SCAMP1: variants seen among roughly 807,000 people sequenced by gnomAD.
The protein encoded by SCAMP1 is secretory carrier membrane protein 1.
In SCAMP1, 15 loss-of-function variants were observed where a neutral mutation model predicts 41.8. The ratio of observed to expected loss-of-function variants is 0.36; its 90% confidence interval spans 0.24 to 0.55. The LOEUF is 0.55. Among genes scored for constraint, SCAMP1 ranks in the 20% least tolerant of loss-of-function variants. SCAMP1 has a pLI of 0.86. For missense variants in SCAMP1, 341 were observed against 412.6 expected (o/e 0.83, Z 1.50); for synonymous variants, 135 against 136.8 (o/e 0.99, Z 0.09).
At chr5:78,425,348 A>G (rs1301526158) in intron 6 of SCAMP1, among the ~76,000 whole-genome samples, 4 of 152,214 alleles carry the variant, frequency 2.6e-5, no homozygotes, top group South Asian at 2.1e-4. Flanking sequence ...AACATTATCA[A>G]TACCGCTGAA....
At chr5:78,372,436 T>C (rs1253439789) in intron 1 of SCAMP1, among the ~76,000 whole-genome samples, 1 of 152,138 alleles carries the variant, frequency 6.6e-6, no homozygotes, top group Non-Finnish European at 1.5e-5. Context: ...TTCTCTACAG[T>C]AATGTACCCA....
chr5:78,397,180 CT>C (rs1580663200), intron 2 of SCAMP1, among the ~76,000 whole-genome samples: 1 of 152,152 alleles, frequency 6.6e-6, no homozygotes, highest in Non-Finnish European at 1.5e-5. Context: ...GAAATAAACA[CT>C]TAAATTTATG....
At chr5:78,381,539 C>A (rs1293446325) in intron 1 of SCAMP1, among the ~76,000 whole-genome samples, 1 of 152,158 alleles carries the variant, frequency 6.6e-6, no homozygotes, top group Non-Finnish European at 1.5e-5. Context: ...AAAATGACAT[C>A]TTTCTATTTT....
At chr5:78,471,312 A>G (rs1044696649) in intron 8 of SCAMP1, among the ~76,000 whole-genome samples, 3 of 152,170 alleles carry the variant, frequency 2.0e-5, no homozygotes, top group African/African-American at 7.2e-5. Flanking sequence ...CGACATGGTG[A>G]AACTAGACTG....
In SCAMP1 at chr5:78,450,154, T is replaced by C. The variant is rs1450331089; in HGVS notation, c.734+120T>C. ...GAAAAATTAAATAAAAAGCAAAAATTGTTTTAAAAATACAATTTTAAAATG... is the reference window on the plus strand; with the variant it reads ...GAAAAATTAAATAAAAAGCAAAAATCGTTTTAAAAATACAATTTTAAAATG... On this transcript the variant is annotated intron_variant, in intron 7 of 8. Coordinates refer to ENST00000621999, the MANE Select transcript of SCAMP1 (RefSeq NM_004866.6). The C allele has an allele frequency of 1.5e-5, 9 of 607,842 alleles. No homozygotes were observed. In the East Asian group the frequency reaches 2.9e-4, roughly 19 times the overall value. The allele number at this position is 607,842 out of a possible 1,614,324, so 37.7% of individuals were successfully genotyped here. A position where few individuals can be genotyped will look rare whatever the true frequency, so the allele number is the denominator to read the frequency against.
intron 8 of SCAMP1, among the ~76,000 whole-genome samples, chr5:78,464,667 A>G (rs994566049): frequency 7.3e-6 from 1 of 137,794 alleles, no homozygotes; most frequent in African/African-American, 2.7e-5. Flanking sequence ...AAGAAGGGCT[A>G]CATTCAGAAA....
chr5:78,456,369 G>A (rs1418988623), intron 7 of SCAMP1, among the ~76,000 whole-genome samples: 2 of 151,926 alleles, frequency 1.3e-5, no homozygotes, highest in African/African-American at 2.4e-5. Flanking sequence ...AACTCTTTTA[G>A]GGCAGGCCTG....
intron 2 of SCAMP1, among the ~76,000 whole-genome samples, chr5:78,413,216 G>A (rs891332541): frequency 1.3e-5 from 2 of 151,878 alleles, no homozygotes; most frequent in Non-Finnish European, 2.9e-5. Flanking sequence ...TTTCTTCACT[G>A]TTTTGTAGTG....
At chr5:78,475,470 A>T (rs372977482) in intron 8 of SCAMP1, 34 bp from the exon 9 acceptor site, 53 of 1,514,378 alleles carry the variant, frequency 3.5e-5, no homozygotes, top group Non-Finnish European at 4.7e-5. Flanking sequence ...GTAGGTTGCT[A>T]CTTACCTTCT....
intron 1 of SCAMP1, among the ~76,000 whole-genome samples, chr5:78,381,372 A>G (rs1323621034): frequency 6.6e-6 from 1 of 152,214 alleles, no homozygotes; most frequent in Non-Finnish European, 1.5e-5. Context: ...TATAACTGAT[A>G]TTTGAGGACT....
At position 78,449,796 on chromosome 5, in the gene SCAMP1, CTTTTT is replaced by C. The variant is rs948372444; in HGVS notation, c.633-133_633-129del. 43 of 545,514 alleles carry C rather than the reference CTTTTT, an allele frequency of 7.9e-5. No individual in the cohort carries two copies. In the Middle Eastern group the frequency reaches 1.4e-3, roughly 18 times the overall value. 33.8% of individuals were successfully genotyped at this position (545,514 alleles called of 1,614,324 possible). ...AACTTGAGGCCTCAGGTGGTTGCCA[CTTTTT>C]TTTGTTTGTGCTTTTAAGGTTTGAA... On this transcript the variant is annotated intron_variant, in intron 6 of 8. Transcript: ENST00000621999.
At chr5:78,389,848 C>T (rs116028729) in intron 2 of SCAMP1, among the ~76,000 whole-genome samples, 1,566 of 152,276 alleles carry the variant, frequency 0.01, 33 homozygotes, top group African/African-American at 0.036. Context: ...GGTCTGCCTC[C>T]AATACTTTTG....
intron 1 of SCAMP1, among the ~76,000 whole-genome samples, chr5:78,367,399 C>G (rs1451517422): frequency 1.3e-5 from 2 of 152,030 alleles, no homozygotes; most frequent in Non-Finnish European, 2.9e-5. Flanking sequence ...GCTTCAGTCA[C>G]CTGGTTTATG....
chr5:78,469,909 AAAAC>A (rs1753836596), intron 8 of SCAMP1, among the ~76,000 whole-genome samples: 4 of 59,286 alleles, frequency 6.7e-5, no homozygotes, highest in African/African-American at 7.8e-5. Flanking sequence ...AAAAAAAAAA[AAAAC>A]AAAAAAAAAA....
At chr5:78,443,653 C>CTTTTTTTTTTTTTTTT (rs71613955) in intron 6 of SCAMP1, among the ~76,000 whole-genome samples, 2 of 71,960 alleles carry the variant, frequency 2.8e-5, no homozygotes, top group Non-Finnish European at 4.8e-5. Flanking sequence ...AGTGGTTTTG[C>CTTTTTTTTTTTTTTTT]TTTTTTTTTT....
intron 2 of SCAMP1, among the ~76,000 whole-genome samples, chr5:78,404,115 CAAAAAA>C (rs34209617): frequency 8.8e-5 from 11 of 124,544 alleles, no homozygotes; most frequent in Admixed American, 8.1e-5. Context: ...GACCCTGTCT[CAAAAAA>C]AAAAAAAAAA....
chr5:78,366,585 C>T (rs538375229), intron 1 of SCAMP1, among the ~76,000 whole-genome samples: 1 of 152,298 alleles, frequency 6.6e-6, no homozygotes, highest in Non-Finnish European at 1.5e-5. Flanking sequence ...AGGAAACAAA[C>T]GTTCAGACCT....
intron 6 of SCAMP1, among the ~76,000 whole-genome samples, chr5:78,424,033 A>G (rs1243056720): frequency 6.6e-6 from 1 of 152,016 alleles, no homozygotes; most frequent in African/African-American, 2.4e-5. Flanking sequence ...TAGTAGAGAC[A>G]GGGTTTAACC....
At chr5:78,452,299 G>A (rs1753256879) in intron 7 of SCAMP1, among the ~76,000 whole-genome samples, 1 of 144,620 alleles carries the variant, frequency 6.9e-6, no homozygotes, top group Non-Finnish European at 1.5e-5. Flanking sequence ...TCGTCATCTA[G>A]CATTAGGTAT....
Sources: allele counts gnomAD v4.1 joint callset (sites outside exome capture counted in the v4.1 genomes callset), GRCh38; gene constraint gnomAD v4.1.1; transcripts MANE v1.5; gene names NCBI Gene and HGNC (gene_info 2026-07-23, HGNC 2026-07-21).